TENM4: variants seen among roughly 807,000 people sequenced by gnomAD.
The protein encoded by TENM4 is teneurin transmembrane protein 4, also known as teneurin-4.
In TENM4, 82 loss-of-function variants were observed where a neutral mutation model predicts 243.3. The observed-to-expected ratio is 0.34, with a 90% CI of 0.28 to 0.40. The LOEUF is 0.40. Ranked by LOEUF, TENM4 falls within the 10% of genes least tolerant of loss-of-function variation. TENM4 has a pLI of 1.00. For missense variants in TENM4, 3,138 were observed against 3,673.3 expected (o/e 0.85, Z 3.77); for synonymous variants, 1,412 against 1,456.3 (o/e 0.97, Z 0.69).
chr11:79,018,164 C>T (rs546628036), intron 6 of TENM4, among the ~76,000 whole-genome samples: 8 of 152,220 alleles, frequency 5.3e-5, no homozygotes, highest in African/African-American at 1.9e-4. Context: ...TGTTTGTTAC[C>T]CTGGAACCCT....
intron 16 of TENM4, among the ~76,000 whole-genome samples, chr11:78,784,956 C>T (rs368785006): frequency 3.3e-5 from 5 of 150,854 alleles, no homozygotes; most frequent in African/African-American, 1.2e-4. Flanking sequence ...CATTTGCAAA[C>T]GTTTTGGAGT....
At chr11:79,192,075 C>T (rs1196165668) in intron 3 of TENM4, among the ~76,000 whole-genome samples, 2 of 149,584 alleles carry the variant, frequency 1.3e-5, no homozygotes, top group Non-Finnish European at 3.0e-5. Context: ...GCCAGCCGTC[C>T]CGTCCGGGAG....
In TENM4 at chr11:78,938,498, G is replaced by A. The variant is rs148890373; in HGVS notation, c.494-34975C>T. Reference sequence around the variant, plus strand: ...TACAGATCAACAAAGTATAGGCTCCGTGGTGCCCAGATTTGCATTTCATAG... The same window carrying A: ...TACAGATCAACAAAGTATAGGCTCCATGGTGCCCAGATTTGCATTTCATAG... On this transcript the variant is annotated intron_variant, in intron 6 of 33. Coordinates refer to ENST00000278550, the MANE Select transcript of TENM4 (RefSeq NM_001098816.3). 2.0e-3 allele frequency among the ~76,000 whole-genome samples: 298 copies of A among 152,192 alleles called. 1 individual carries two copies. The highest frequency in any genetic ancestry group is 6.8e-3 in the African/African-American group (282 of 41,512).
chr11:78,673,830 A>G (rs1241571238), intron 30 of TENM4, among the ~76,000 whole-genome samples: 1 of 152,372 alleles, frequency 6.6e-6, no homozygotes, highest in East Asian at 1.9e-4. Context: ...ATAACGATTT[A>G]TAATGACGAT....
intron 12 of TENM4, among the ~76,000 whole-genome samples, chr11:78,830,934 C>G (rs924525521): frequency 3.3e-5 from 5 of 152,148 alleles, no homozygotes; most frequent in African/African-American, 1.2e-4. Context: ...AATAAGGTAA[C>G]AATAGTAGCC....
At chr11:79,225,513 G>C (rs114286064) in intron 2 of TENM4, among the ~76,000 whole-genome samples, 2,223 of 152,206 alleles carry the variant, frequency 0.015, 47 homozygotes, top group African/African-American at 0.05. Context: ...GCCTCCTGAG[G>C]CTCAAGCAAG....
At position 79,378,850 on chromosome 11, in the gene TENM4, TC is replaced by T. The variant is rs1857943953; in HGVS notation, c.-321+61658del. 2.2e-5 allele frequency among the ~76,000 whole-genome samples: 3 copies of T among 136,406 alleles called. No individual in the cohort carries two copies. In the Admixed American group the frequency reaches 2.4e-4, roughly 11 times the overall value. 89.5% of individuals were successfully genotyped at this position (136,406 alleles called of 152,430 possible). A position where few individuals can be genotyped will look rare whatever the true frequency, so the allele number is the denominator to read the frequency against. Reference sequence around the variant, plus strand: ...GTGAGCTATGATTGCACCAATGCACTCCAGCCTGGGTGACAGAATGAGGCCC... The same window carrying T: ...GTGAGCTATGATTGCACCAATGCACTCAGCCTGGGTGACAGAATGAGGCCC... On this transcript the variant is annotated intron_variant, in intron 1 of 33. Transcript: ENST00000278550.
chr11:78,765,416 T>C (rs776335581), intron 18 of TENM4, among the ~76,000 whole-genome samples: 14 of 152,202 alleles, frequency 9.2e-5, no homozygotes, highest in Non-Finnish European at 1.9e-4. Context: ...CAATAAGAGA[T>C]GAGGAGGAAA....
chr11:79,149,399 C>T (rs1862451741), intron 3 of TENM4, among the ~76,000 whole-genome samples: 1 of 152,148 alleles, frequency 6.6e-6, no homozygotes, highest in Non-Finnish European at 1.5e-5. Flanking sequence ...AAATTTCTCT[C>T]TAAGTGCTGT....
intron 16 of TENM4, among the ~76,000 whole-genome samples, chr11:78,784,086 A>G (rs1219960632): frequency 2.0e-5 from 3 of 152,198 alleles, no homozygotes; most frequent in Non-Finnish European, 4.4e-5. Flanking sequence ...TTTCTCTGGT[A>G]TGGGAAATAA....
intron 1 of TENM4, among the ~76,000 whole-genome samples, chr11:79,401,157 T>G (rs180682553): frequency 2.2e-4 from 34 of 152,340 alleles, no homozygotes; most frequent in African/African-American, 7.5e-4. Context: ...AGAATTCTGG[T>G]GTCCTTCACC....
chr11:79,093,769 G>A (rs1861014256), intron 4 of TENM4: 1 of 152,152 alleles, frequency 6.6e-6, no homozygotes, highest in Admixed American at 6.5e-5. Context: ...GACAATTCCA[G>A]GGCTTACGTC....
At chr11:78,718,813 A>G (rs1462148303) in intron 25 of TENM4, among the ~76,000 whole-genome samples, 1 of 152,216 alleles carries the variant, frequency 6.6e-6, no homozygotes, top group Non-Finnish European at 1.5e-5. Context: ...ATAAAGTATG[A>G]AAATAATTAT....
intron 1 of TENM4, among the ~76,000 whole-genome samples, chr11:79,318,700 G>A (rs988260262): frequency 6.6e-6 from 1 of 152,168 alleles, no homozygotes; most frequent in African/African-American, 2.4e-5. Flanking sequence ...CCAGAAACTG[G>A]TGAGTGTCAA....
At chr11:78,828,322 C>G (rs964855694) in intron 12 of TENM4, among the ~76,000 whole-genome samples, 3 of 152,206 alleles carry the variant, frequency 2.0e-5, no homozygotes, top group Non-Finnish European at 2.9e-5. Context: ...ACAGCACTAA[C>G]CATGTATTTG....
intron 1 of TENM4, among the ~76,000 whole-genome samples, chr11:79,342,302 T>A (rs959429691): frequency 6.6e-6 from 1 of 152,010 alleles, no homozygotes; most frequent in Non-Finnish European, 1.5e-5. Flanking sequence ...TGGACCGCGA[T>A]GAGATGAGGA....
intron 12 of TENM4, among the ~76,000 whole-genome samples, chr11:78,841,500 C>G (rs1858258076): frequency 6.6e-6 from 1 of 152,148 alleles, no homozygotes; most frequent in South Asian, 2.1e-4. Context: ...TCCCCTCCAC[C>G]TTCAAGGTTG....
intron 9 of TENM4, among the ~76,000 whole-genome samples, chr11:78,889,061 C>T (rs977650106): frequency 1.3e-5 from 2 of 152,210 alleles, no homozygotes; most frequent in Non-Finnish European, 2.9e-5. Flanking sequence ...CATCAGAAGA[C>T]TGCACAGGGG....
chr11:78,805,183 G>C, intron 15 of TENM4, 109 bp downstream of exon 15: 1 of 609,448 alleles, frequency 1.6e-6, no homozygotes, highest in South Asian at 2.9e-5. Flanking sequence ...AGCACTCAGA[G>C]GCACGGGGAA....
Sources: allele counts gnomAD v4.1 joint callset (sites outside exome capture counted in the v4.1 genomes callset), GRCh38; gene constraint gnomAD v4.1.1; transcripts MANE v1.5; gene names NCBI Gene and HGNC (gene_info 2026-07-23, HGNC 2026-07-21).